The following ARB2A variants were observed in gnomAD, a reference collection of about 807,000 sequenced individuals.
The protein encoded by ARB2A is ARB2 cotranscriptional regulator A.
At chr5:93,908,624 TACTC>T in the ARB2A span, among the ~76,000 whole-genome samples, 1,228 of 151,082 alleles carry the variant, frequency 8.1e-3, 13 homozygotes, top group African/African-American at 0.029. Context: ...TATTAGATAA[TACTC>T]ACGTTAACTT....
At chr5:93,742,409 C>T in the ARB2A span, among the ~76,000 whole-genome samples, 1 of 152,188 alleles carries the variant, frequency 6.6e-6, no homozygotes, top group East Asian at 1.9e-4. Flanking sequence ...TCACCAACAT[C>T]AGGCTCCTTT....
At chr5:93,624,640 A>G in the ARB2A span, among the ~76,000 whole-genome samples, 5 of 152,150 alleles carry the variant, frequency 3.3e-5, no homozygotes. Flanking sequence ...TTCTTAATGG[A>G]GATGATAATG....
the ARB2A span, among the ~76,000 whole-genome samples, chr5:93,830,299 A>ATGTGTG: frequency 5.0e-5 from 2 of 39,692 alleles, no homozygotes; most frequent in African/African-American, 2.2e-4. Flanking sequence ...ATGTATATAT[A>ATGTGTG]TGTGTGTGTG....
chr5:93,715,221 C>A, the ARB2A span, among the ~76,000 whole-genome samples: 447 of 152,196 alleles, frequency 2.9e-3, 2 homozygotes, highest in African/African-American at 0.01. Context: ...GTGAGGACAG[C>A]AAACAGGAAA....
chr5:94,053,760 G>GTTTTTCTTTTTCT, the ARB2A span, among the ~76,000 whole-genome samples: 1 of 152,024 alleles, frequency 6.6e-6, no homozygotes, highest in Non-Finnish European at 1.5e-5. Context: ...CTGTCAAGGA[G>GTTTTTCTTTTTCT]TTTTTCTTTT....
the ARB2A span, among the ~76,000 whole-genome samples, chr5:93,627,687 G>A: frequency 1.3e-5 from 2 of 152,168 alleles, no homozygotes; most frequent in East Asian, 1.9e-4. Context: ...TGATCTGCCC[G>A]CTTTGGCTTC....
the ARB2A span, chr5:93,740,954 T>A: frequency 1.2e-6 from 2 of 1,613,860 alleles, no homozygotes; most frequent in South Asian, 2.2e-5. Context: ...TGCAGGATCA[T>A]CTCCATTTTG....
chr5:94,051,514 CAAG>C, the ARB2A span, among the ~76,000 whole-genome samples: 1 of 152,162 alleles, frequency 6.6e-6, no homozygotes, highest in East Asian at 1.9e-4. Flanking sequence ...CACAAGGAAT[CAAG>C]AAGAATAGGC....
the ARB2A span, among the ~76,000 whole-genome samples, chr5:93,643,273 T>A: frequency 6.6e-6 from 1 of 152,026 alleles, no homozygotes; most frequent in Admixed American, 6.6e-5. Flanking sequence ...TGTGCCCAAA[T>A]AGATGGCCCC....
chr5:93,878,875 C>T, the ARB2A span, among the ~76,000 whole-genome samples: 1 of 152,010 alleles, frequency 6.6e-6, no homozygotes, highest in Non-Finnish European at 1.5e-5. Context: ...ACAGTAATTA[C>T]TAGTCCTGGT....
chr5:93,885,450 C>T, the ARB2A span, among the ~76,000 whole-genome samples: 2 of 151,552 alleles, frequency 1.3e-5, no homozygotes, highest in Admixed American at 6.6e-5. Context: ...AACCCTTTCT[C>T]TTATCTTTGA....
chr5:93,806,947 T>C, the ARB2A span, among the ~76,000 whole-genome samples: 1 of 152,014 alleles, frequency 6.6e-6, no homozygotes, highest in Non-Finnish European at 1.5e-5. Flanking sequence ...AAAACCATTA[T>C]GAATTATGGT....
chr5:93,719,572 A>G, the ARB2A span, among the ~76,000 whole-genome samples: 1 of 152,122 alleles, frequency 6.6e-6, no homozygotes, highest in Non-Finnish European at 1.5e-5. Context: ...TATTCCTTCT[A>G]TTTTTACTAT....
chr5:94,084,424 A>G, the ARB2A span, among the ~76,000 whole-genome samples: 1 of 152,294 alleles, frequency 6.6e-6, no homozygotes, highest in Admixed American at 6.5e-5. Context: ...CAAAAAATAT[A>G]CTGTATCTAT....
chr5:94,024,738 TG>T, the ARB2A span, among the ~76,000 whole-genome samples: 1 of 152,168 alleles, frequency 6.6e-6, no homozygotes, highest in Admixed American at 6.5e-5. Flanking sequence ...TCTTAGAGGT[TG>T]ATCTAAGCTT....
the ARB2A span, among the ~76,000 whole-genome samples, chr5:93,961,719 A>T: frequency 6.6e-5 from 10 of 151,494 alleles, no homozygotes; most frequent in South Asian, 6.3e-4. Flanking sequence ...ATCACATTTT[A>T]AAAAAAAACA....
the ARB2A span, among the ~76,000 whole-genome samples, chr5:93,758,527 G>T: frequency 6.6e-6 from 1 of 151,816 alleles, no homozygotes; most frequent in African/African-American, 2.4e-5. Flanking sequence ...ATTTAAGAAA[G>T]AAATTATATC....
At chr5:93,826,323 C>A in the ARB2A span, among the ~76,000 whole-genome samples, 1 of 152,298 alleles carries the variant, frequency 6.6e-6, no homozygotes, top group East Asian at 1.9e-4. Flanking sequence ...ATCACATTTT[C>A]CTTTTTAGAA....
chr5:94,101,158 A>G, the ARB2A span, among the ~76,000 whole-genome samples: 1 of 152,330 alleles, frequency 6.6e-6, no homozygotes, highest in South Asian at 2.1e-4. Flanking sequence ...ATGAACAGAT[A>G]CTTCTTAAAA....
Sources: gnomAD v4.1 joint callset for allele counts (sites outside exome capture counted in the v4.1 genomes callset) on GRCh38, gnomAD v4.1.1 for gene constraint, MANE v1.5 for transcripts, NCBI Gene and HGNC (gene_info 2026-07-23, HGNC 2026-07-21) for gene names.